ANKRD11: variants seen among roughly 807,000 people sequenced by gnomAD.
ANKRD11 encodes the protein ankyrin repeat domain-containing protein 11.
A neutral mutation model predicts 195.7 loss-of-function variants in ANKRD11; 17 were observed. The ratio of observed to expected loss-of-function variants is 0.09; its 90% CI spans 0.06 to 0.13. The LOEUF (loss-of-function observed/expected upper bound fraction) is 0.13. Among genes scored for constraint, ANKRD11 ranks in the 10% least tolerant of loss-of-function variants. The pLI, the probability that ANKRD11 is intolerant of heterozygous loss-of-function variation, is 1.00. For synonymous variants in ANKRD11, 1,953 were observed against 1,528.1 expected, an observed-to-expected ratio of 1.28 and a Z score of -6.49; for missense variants, 3,735 against 3,566.1, an observed-to-expected ratio of 1.05 and a Z score of -1.21.
chr16:89,270,510 T>G, intron 12 of ANKRD11: 1 of 434,720 alleles, frequency 2.3e-6, no homozygotes, highest in Non-Finnish European at 4.3e-6. Context: ...TGCTGGGACC[T>G]TAGAGGGGGC....
intron 2 of ANKRD11, among the ~76,000 whole-genome samples, chr16:89,322,214 C>T (rs1246253530): frequency 6.6e-6 from 1 of 152,178 alleles, no homozygotes; most frequent in African/African-American, 2.4e-5. Flanking sequence ...AAACACCAAG[C>T]CCCCTTACAC....
In ANKRD11 at chr16:89,311,094, A is replaced by T. The variant is rs925135917; in HGVS notation, c.88-5750T>A. 5.3e-5 allele frequency among the ~76,000 whole-genome samples: 8 copies of T among 152,194 alleles called. No individual in the cohort carries two copies. In the East Asian group the frequency reaches 5.8e-4, roughly 11 times the overall value. On this transcript the variant is annotated intron_variant, in intron 3 of 12. Transcript: ENST00000301030. ...ATTCCTAGTTTGCAGAATTTTTTTT[A>T]AAATAATGAATGTGTGTTAACTTTT...
intron 7 of ANKRD11, chr16:89,288,027 C>T: frequency 5.7e-6 from 3 of 524,598 alleles, no homozygotes; most frequent in South Asian, 3.3e-5. Context: ...CGACCTCTCT[C>T]GACCCCCACA....
At chr16:89,396,946 C>T (rs193080907) in intron 2 of ANKRD11, among the ~76,000 whole-genome samples, 233 of 110,930 alleles carry the variant, frequency 2.1e-3, no homozygotes, top group African/African-American at 6.4e-3. Context: ...CTCGGTTTCC[C>T]AGAGCACTGG....
chr16:89,290,885 A>G, intron 5 of ANKRD11, 57 bp from the exon 6 acceptor site: 2 of 1,610,524 alleles, frequency 1.2e-6, no homozygotes, highest in Non-Finnish European at 1.7e-6. Context: ...TGCTTTGTCC[A>G]ATCTTCAAGA....
intron 2 of ANKRD11, among the ~76,000 whole-genome samples, chr16:89,331,766 A>G (rs2038078846): frequency 6.6e-6 from 1 of 152,234 alleles, no homozygotes; most frequent in African/African-American, 2.4e-5. Context: ...GGCTACAGGC[A>G]TGAACCACCA....
chr16:89,410,184 A>C (rs560723538), intron 2 of ANKRD11, among the ~76,000 whole-genome samples: 1 of 152,264 alleles, frequency 6.6e-6, no homozygotes, highest in Non-Finnish European at 1.5e-5. Flanking sequence ...TACAGGGCAG[A>C]ATTTCACACG....
chr16:89,477,112 G>A (rs998704039), intron 1 of ANKRD11, among the ~76,000 whole-genome samples: 5 of 151,962 alleles, frequency 3.3e-5, no homozygotes, highest in Non-Finnish European at 5.9e-5. Context: ...TTTAAAACAC[G>A]AGAGAATTAG....
At chr16:89,315,499 C>T (rs1472612593) in intron 3 of ANKRD11, among the ~76,000 whole-genome samples, 1 of 152,210 alleles carries the variant, frequency 6.6e-6, no homozygotes, top group Non-Finnish European at 1.5e-5. Context: ...CCCATCACGA[C>T]CACCAAACCC....
At chr16:89,392,502 GC>G (rs1207759288) in intron 2 of ANKRD11, 4 of 152,008 alleles carry the variant, frequency 2.6e-5, no homozygotes, top group Non-Finnish European at 4.4e-5. Flanking sequence ...CAATGGGTCT[GC>G]CAGTTCATGT....
At position 89,284,716 on chromosome 16, in the gene ANKRD11, CTCT is replaced by C. The variant is rs757383760; in HGVS notation, c.1823_1825del (p.Lys608del). On this transcript the variant is annotated inframe_deletion, in exon 9 of 13. Transcript: ENST00000301030. ...GCCCTCCGCGCTGGACAGGAAGGGGCTCTTCTTCTCCGACAGGGAGGCTCGCTT... is the reference window on the plus strand; with the variant it reads ...GCCCTCCGCGCTGGACAGGAAGGGGCTCTTCTCCGACAGGGAGGCTCGCTT... 93 of 1,613,890 alleles carry C rather than the reference CTCT, an allele frequency of 5.8e-5. No homozygotes were observed. Among genetic ancestry groups the C allele is most frequent in the South Asian group, 7.7e-5 (7 of 91,078 alleles).
intron 1 of ANKRD11, chr16:89,489,169 C>T (rs1265996385): frequency 6.6e-6 from 1 of 152,116 alleles, no homozygotes; most frequent in Non-Finnish European, 1.5e-5. Context: ...AGTACAATCC[C>T]TCTTTGAGAG....
chr16:89,336,956 G>C (rs2038387821), intron 2 of ANKRD11, among the ~76,000 whole-genome samples: 1 of 143,796 alleles, frequency 7.0e-6, no homozygotes, highest in Non-Finnish European at 1.5e-5. Context: ...GATTGCTTGA[G>C]CTCAGGAGGT....
At chr16:89,458,748 T>C (rs1271778101) in intron 1 of ANKRD11, 4 of 152,240 alleles carry the variant, frequency 2.6e-5, no homozygotes, top group Non-Finnish European at 5.9e-5. Flanking sequence ...TAACCAAAAC[T>C]TGATTTAACC....
intron 1 of ANKRD11, among the ~76,000 whole-genome samples, chr16:89,432,892 G>A (rs1179607547): frequency 1.2e-4 from 18 of 151,710 alleles, no homozygotes; most frequent in Admixed American, 6.6e-4. Flanking sequence ...GGTCGAGGCT[G>A]CAGGGGGCTT....
At chr16:89,419,080 C>G (rs898648189) in intron 1 of ANKRD11, among the ~76,000 whole-genome samples, 1 of 151,486 alleles carries the variant, frequency 6.6e-6, no homozygotes. Context: ...ATAAAAGGTG[C>G]AAAAAAAGAT....
chr16:89,303,186 C>T (rs912641509), intron 4 of ANKRD11, among the ~76,000 whole-genome samples: 1 of 152,246 alleles, frequency 6.6e-6, no homozygotes, highest in Non-Finnish European at 1.5e-5. Context: ...ACCCTTTCAG[C>T]AACACCTCCA....
intron 1 of ANKRD11, among the ~76,000 whole-genome samples, chr16:89,442,087 G>GA (rs1385237889): frequency 6.6e-6 from 1 of 152,220 alleles, no homozygotes; most frequent in East Asian, 1.9e-4. Flanking sequence ...TCATCAGTAT[G>GA]AAAAAGGTCT....
Position 89,282,244 on chromosome 16 carries a change from G to A in ANKRD11, c.4298C>T (p.Ser1433Phe), listed in dbSNP as rs1487348306. 2 of 1,613,730 alleles carry A rather than the reference G, an allele frequency of 1.2e-6. No individual in the cohort carries two copies. Among genetic ancestry groups the A allele is most frequent in the South Asian group, 1.1e-5 (1 of 91,066 alleles). ...TATTTTCTTGGAAGGTTCTCTCTCGGAATCATTTTTATCTTTCTTTTCGGT... is the reference window on the plus strand; with the variant it reads ...TATTTTCTTGGAAGGTTCTCTCTCGAAATCATTTTTATCTTTCTTTTCGGT... ...FSTEKKDKNDSEREPSKKIEK... is the reference protein window; with the variant it reads ...FSTEKKDKNDFEREPSKKIEK... The change falls in exon 9 of 13, where the codon TCC becomes TTC. Residue 1433 changes from serine (S) to phenylalanine (F), a missense_variant. Physicochemically the swap from Ser to Phe is radical, Grantham distance 155. Transcript: ENST00000301030.
Sources: allele counts gnomAD v4.1 joint callset (sites outside exome capture counted in the v4.1 genomes callset), GRCh38; gene constraint gnomAD v4.1.1; transcripts MANE v1.5; gene names NCBI Gene and HGNC (gene_info 2026-07-23, HGNC 2026-07-21).